Variants in TSPAN15 observed in about 807,000 individuals in gnomAD.
The protein encoded by TSPAN15 is tetraspanin-15.
In TSPAN15, 20 loss-of-function variants were observed where a neutral mutation model predicts 34.5. That is an observed-to-expected ratio of 0.58 (90% CI 0.41 to 0.84). The LOEUF is 0.84. Ranked by LOEUF, TSPAN15 falls within the 40% of genes least tolerant of loss-of-function variation. The pLI is 0.00. For synonymous variants in TSPAN15, 155 were observed against 153.9 expected (o/e 1.01, Z -0.05); for missense variants, 313 against 386.1 (o/e 0.81, Z 1.59).
intron 1 of TSPAN15, among the ~76,000 whole-genome samples, chr10:69,479,964 A>G (rs1309463388): frequency 2.6e-5 from 4 of 152,148 alleles, no homozygotes; most frequent in Non-Finnish European, 4.4e-5. Context: ...AGCTTTTCCC[A>G]TGGGGTTTAT....
the TSPAN15 span, among the ~76,000 whole-genome samples, chr10:69,539,236 C>T: frequency 0.014 from 2,067 of 151,644 alleles, 44 homozygotes; most frequent in African/African-American, 0.046. Context: ...TAATGGACTT[C>T]GGAGACTTGC....
chr10:69,483,349 G>A (rs914676297), intron 1 of TSPAN15, among the ~76,000 whole-genome samples: 4 of 151,832 alleles, frequency 2.6e-5, no homozygotes, highest in African/African-American at 7.3e-5. Flanking sequence ...CTCCCTGCGT[G>A]TTCACACAGT....
downstream of TSPAN15, among the ~76,000 whole-genome samples, chr10:69,508,548 A>T (rs1198683462): frequency 6.6e-6 from 1 of 151,754 alleles, no homozygotes; most frequent in African/African-American, 2.4e-5. Context: ...CCAGTAGTTA[A>T]GTGGTCAGAT....
At chr10:69,516,425 C>CCA in the TSPAN15 span, among the ~76,000 whole-genome samples, 1 of 152,210 alleles carries the variant, frequency 6.6e-6, no homozygotes. Flanking sequence ...AGCAGTGCCT[C>CCA]CACCTGGGCA....
the TSPAN15 span, among the ~76,000 whole-genome samples, chr10:69,542,437 T>C: frequency 6.6e-6 from 1 of 152,234 alleles, no homozygotes; most frequent in African/African-American, 2.4e-5. Context: ...GGTATATTTA[T>C]ACTAGTATGT....
At chr10:69,534,847 G>A in the TSPAN15 span, among the ~76,000 whole-genome samples, 2 of 149,918 alleles carry the variant, frequency 1.3e-5, no homozygotes, top group African/African-American at 2.5e-5. Flanking sequence ...AGCAGGGTAT[G>A]GTGGTGCACA....
rs529022933 is a variant in TSPAN15 at position 69,498,983 on chromosome 10, GATC to G, written c.570+592_570+594del. Among the ~76,000 whole-genome samples the G allele has an allele frequency of 3.9e-5, 6 of 152,326 alleles. No individual in the cohort carries two copies. The South Asian group carries it at 8.3e-4, about 21-fold the overall frequency. On this transcript the variant is annotated intron_variant, in intron 5 of 7. Coordinates refer to ENST00000373290, the MANE Select transcript of TSPAN15 (RefSeq NM_012339.5). ...TGGTCTTTGGCCTTGAGGTCCTGGT[GATC>G]ATCAGCAGCAGAGTGCTTGGAAGGG... is the stretch of plus-strand genomic sequence containing the variant.
chr10:69,452,542 C>G (rs188116008), intron 1 of TSPAN15, among the ~76,000 whole-genome samples: 10 of 152,022 alleles, frequency 6.6e-5, no homozygotes, highest in Non-Finnish European at 5.9e-5. Flanking sequence ...GTAGGATGCT[C>G]GCGGAGATTA....
chr10:69,504,145 TG>T (rs1476337773), intron 5 of TSPAN15, among the ~76,000 whole-genome samples: 1 of 152,088 alleles, frequency 6.6e-6, no homozygotes, highest in Non-Finnish European at 1.5e-5. Flanking sequence ...CCCGGGAGCG[TG>T]GGCAGCACAC....
At chr10:69,546,389 A>T in the TSPAN15 span, among the ~76,000 whole-genome samples, 3 of 152,152 alleles carry the variant, frequency 2.0e-5, no homozygotes, top group African/African-American at 7.2e-5. Flanking sequence ...TTGTTTTAAC[A>T]TTATCTCTTC....
chr10:69,510,907 T>G (rs543785066), downstream of TSPAN15, among the ~76,000 whole-genome samples: 84 of 152,368 alleles, frequency 5.5e-4, no homozygotes, highest in Middle Eastern at 0.014. Flanking sequence ...GAACCAGCCT[T>G]GCATCCCAGT....
chr10:69,479,605 C>A (rs970117397), intron 1 of TSPAN15, among the ~76,000 whole-genome samples: 3 of 152,212 alleles, frequency 2.0e-5, no homozygotes, highest in Non-Finnish European at 4.4e-5. Flanking sequence ...GCTGAGTGGC[C>A]GGCTGCCTAG....
Position 69,458,561 on chromosome 10 carries a change from G to T in TSPAN15, c.96+6871G>T, listed in dbSNP as rs541827939. 4.6e-5 allele frequency among the ~76,000 whole-genome samples: 7 copies of T among 152,280 alleles called. No homozygotes were observed. The South Asian group carries it at 1.2e-3, about 27-fold the overall frequency. On this transcript the variant is annotated intron_variant, in intron 1 of 7. Transcript: ENST00000373290. ...TGAAACTCAAATAGTGAAGCTGAAA[G>T]TGGGGCAGCCTTCATATTGGAGAAG... is the stretch of plus-strand genomic sequence containing the variant.
At chr10:69,530,225 T>G in the TSPAN15 span, among the ~76,000 whole-genome samples, 2 of 147,772 alleles carry the variant, frequency 1.4e-5, 1 homozygote, top group Non-Finnish European at 3.0e-5. Flanking sequence ...GCTTCTGCCC[T>G]GTTCCATTAG....
chr10:69,539,441 G>GGAAGAAGAAGAA, the TSPAN15 span, among the ~76,000 whole-genome samples: 6 of 65,432 alleles, frequency 9.2e-5, no homozygotes, highest in Admixed American at 3.7e-4. Context: ...AGAAGAAGAA[G>GGAAGAAGAAGAA]GAAGAAGAAG....
chr10:69,529,295 C>G, the TSPAN15 span, among the ~76,000 whole-genome samples: 1 of 147,964 alleles, frequency 6.8e-6, no homozygotes, highest in Non-Finnish European at 1.5e-5. Context: ...CCCACTGGCT[C>G]CATGGAGGTG....
the TSPAN15 span, among the ~76,000 whole-genome samples, chr10:69,540,865 G>T: frequency 3.3e-5 from 5 of 152,174 alleles, no homozygotes; most frequent in Non-Finnish European, 7.4e-5. Context: ...GGTCAATGGG[G>T]ATGTGTCCTG....
chr10:69,520,394 G>T, the TSPAN15 span, among the ~76,000 whole-genome samples: 1,015 of 152,306 alleles, frequency 6.7e-3, 9 homozygotes, highest in African/African-American at 0.023. Flanking sequence ...TGGGTTGGTG[G>T]CTCACACCTG....
the TSPAN15 span, among the ~76,000 whole-genome samples, chr10:69,527,901 TTTTAA>T: frequency 2.0e-5 from 3 of 147,792 alleles, no homozygotes; most frequent in Non-Finnish European, 3.0e-5. Context: ...GATGAAAATG[TTTTAA>T]TTTACTTTGA....
Sources: allele counts gnomAD v4.1 joint callset (sites outside exome capture counted in the v4.1 genomes callset), GRCh38; gene constraint gnomAD v4.1.1; transcripts MANE v1.5; gene names NCBI Gene and HGNC (gene_info 2026-07-23, HGNC 2026-07-21).